Variants in ARHGAP22 observed in about 807,000 individuals in gnomAD.
ARHGAP22 encodes the protein rho GTPase-activating protein 22.
A neutral mutation model predicts 59.1 loss-of-function variants in ARHGAP22; 48 were observed. That is an observed-to-expected ratio of 0.81 (90% CI 0.64 to 1.03). The LOEUF (loss-of-function observed/expected upper bound fraction) is 1.03. Ranked by LOEUF, ARHGAP22 falls within the 50% of genes least tolerant of loss-of-function variation. The pLI is 0.00. For synonymous variants in ARHGAP22, 445 were observed against 416.4 expected (o/e 1.07, Z -0.84); for missense variants, 1,015 against 958.7 (o/e 1.06, Z -0.78).
At position 48,450,600 on chromosome 10, in the gene ARHGAP22, A is replaced by G. The variant is rs769747111; in HGVS notation, c.1529T>C (p.Met510Thr). 1.4e-5 allele frequency: 21 copies of G among 1,547,102 alleles called. No homozygotes were observed. Among genetic ancestry groups the G allele is most frequent in the Non-Finnish European group, 1.8e-5 (21 of 1,146,636 alleles). The change falls in exon 9 of 10, where the codon ATG becomes ACG. Residue 510 changes from methionine (M) to threonine (T), a missense_variant. Met to Thr is a moderately conservative substitution (Grantham distance 81, BLOSUM62 -1). Coordinates refer to ENST00000249601, the MANE Select transcript of ARHGAP22 (RefSeq NM_021226.4). The stretch of plus-strand genomic sequence containing the variant: ...GCTGGACGAGGCCCCGGACCACGCC[A>G]TACTGGCCACGCTGGGTATGCCGGG... Reference protein sequence around the residue: ...LVPGIPSVASMAWSGASSSES... With the variant: ...LVPGIPSVASTAWSGASSSES...
chr10:48,549,128 C>G (rs182377209), intron 3 of ARHGAP22, among the ~76,000 whole-genome samples: 172 of 152,336 alleles, frequency 1.1e-3, no homozygotes, highest in Middle Eastern at 3.4e-3. Flanking sequence ...CTCATACACA[C>G]CTTGGTCTAC....
intron 1 of ARHGAP22, among the ~76,000 whole-genome samples, chr10:48,647,116 G>A (rs1386180275): frequency 6.6e-6 from 1 of 152,166 alleles, no homozygotes; most frequent in Non-Finnish European, 1.5e-5. Context: ...CAAACAGGCT[G>A]GGCTTGGTGG....
At chr10:48,467,803 C>T (rs1469648122) in intron 4 of ARHGAP22, among the ~76,000 whole-genome samples, 1 of 152,138 alleles carries the variant, frequency 6.6e-6, no homozygotes, top group Non-Finnish European at 1.5e-5. Flanking sequence ...AAGGTGCTTA[C>T]TCTGGGAAAA....
chr10:48,648,998 G>A (rs1357937915), intron 1 of ARHGAP22, among the ~76,000 whole-genome samples: 1 of 152,178 alleles, frequency 6.6e-6, no homozygotes, highest in Non-Finnish European at 1.5e-5. Context: ...AAGAAGAAGA[G>A]CAATGGGGAG....
chr10:48,618,737 T>A (rs1049749441), intron 1 of ARHGAP22, among the ~76,000 whole-genome samples: 3 of 152,076 alleles, frequency 2.0e-5, no homozygotes, highest in Non-Finnish European at 2.9e-5. Flanking sequence ...ACAGCCTACA[T>A]CATATTGAAT....
At chr10:48,534,057 C>T (rs1590002143) in intron 3 of ARHGAP22, among the ~76,000 whole-genome samples, 1 of 152,240 alleles carries the variant, frequency 6.6e-6, no homozygotes, top group Admixed American at 6.5e-5. Flanking sequence ...CTCTGGCACA[C>T]TGGCAGTGCC....
intron 2 of ARHGAP22, among the ~76,000 whole-genome samples, chr10:48,580,143 A>G (rs866140056): frequency 1.3e-5 from 2 of 152,316 alleles, no homozygotes; most frequent in South Asian, 4.1e-4. Context: ...GGCCCCTCTC[A>G]TGATTCAACG....
rs1053239677 is a variant in ARHGAP22 at position 48,450,563 on chromosome 10, C to A, written c.1566G>T (p.Val522=). 48 of 1,529,454 alleles carry A rather than the reference C, an allele frequency of 3.1e-5. No homozygotes were observed. The highest frequency in any genetic ancestry group is 4.2e-5 in the Non-Finnish European group (48 of 1,139,410). The allele number at this position is 1,529,454 out of a possible 1,614,324, so 94.7% of individuals were successfully genotyped here. A position where few individuals can be genotyped will look rare whatever the true frequency, so the allele number is the denominator to read the frequency against. Reference sequence around the variant, plus strand: ...CCGTGCAGCTGCTGAGTGAGCCCCCCACCGACGACTCGCTGGACGAGGCCC... The same window carrying A: ...CCGTGCAGCTGCTGAGTGAGCCCCCAACCGACGACTCGCTGGACGAGGCCC... ...WSGASSSESS[V]GGSLSSCTAC... Residue 522 remains valine, a synonymous_variant, in exon 9 of 10, where the codon GTG becomes GTT. Coordinates refer to ENST00000249601, the MANE Select transcript of ARHGAP22 (RefSeq NM_021226.4).
intron 3 of ARHGAP22, among the ~76,000 whole-genome samples, chr10:48,499,291 G>A (rs571272024): frequency 2.6e-5 from 4 of 152,326 alleles, no homozygotes; most frequent in African/African-American, 7.2e-5. Context: ...GCCACAGGCC[G>A]CCCACATAGC....
intron 3 of ARHGAP22, among the ~76,000 whole-genome samples, chr10:48,495,203 T>C (rs1361568207): frequency 2.0e-5 from 3 of 152,162 alleles, no homozygotes; most frequent in Non-Finnish European, 2.9e-5. Context: ...GTTCAGTGAA[T>C]GGCAGCAGTC....
chr10:48,588,029 G>A (rs760245320), intron 1 of ARHGAP22, among the ~76,000 whole-genome samples: 15 of 152,250 alleles, frequency 9.9e-5, no homozygotes, highest in South Asian at 2.1e-4. Flanking sequence ...GCAGGATCTT[G>A]CACAATCAAT....
At chr10:48,562,949 C>T (rs1052840263) in intron 2 of ARHGAP22, among the ~76,000 whole-genome samples, 8 of 152,218 alleles carry the variant, frequency 5.3e-5, no homozygotes, top group African/African-American at 1.7e-4. Context: ...CAGAATTCTG[C>T]AATGGGCCTT....
At chr10:48,474,837 G>C (rs1017481455) in intron 4 of ARHGAP22, among the ~76,000 whole-genome samples, 1 of 151,940 alleles carries the variant, frequency 6.6e-6, no homozygotes, top group Non-Finnish European at 1.5e-5. Context: ...TAATTCTTTG[G>C]ATTCAGCATG....
chr10:48,639,308 G>A (rs759375655), intron 1 of ARHGAP22, among the ~76,000 whole-genome samples: 1 of 152,204 alleles, frequency 6.6e-6, no homozygotes, highest in Non-Finnish European at 1.5e-5. Context: ...ATATATTCCT[G>A]GCTTGGACTG....
intron 4 of ARHGAP22, among the ~76,000 whole-genome samples, chr10:48,473,940 C>T (rs1470579427): frequency 2.0e-5 from 3 of 152,230 alleles, no homozygotes; most frequent in African/African-American, 7.2e-5. Context: ...TCTCCCTTCT[C>T]TCTCCTCTCA....
intron 2 of ARHGAP22, chr10:48,575,102 C>T (rs2058626131): frequency 6.6e-6 from 1 of 152,192 alleles, no homozygotes; most frequent in South Asian, 2.1e-4. Context: ...CACCTCCCTG[C>T]TCTCTCTTTT....
At chr10:48,544,967 C>A (rs2056303224) in intron 3 of ARHGAP22, among the ~76,000 whole-genome samples, 1 of 152,066 alleles carries the variant, frequency 6.6e-6, no homozygotes, top group African/African-American at 2.4e-5. Context: ...TGGAAATGTG[C>A]TTTAAGTGTA....
intron 2 of ARHGAP22, among the ~76,000 whole-genome samples, chr10:48,580,480 C>T (rs940029451): frequency 2.0e-5 from 3 of 152,138 alleles, no homozygotes; most frequent in South Asian, 2.1e-4. Flanking sequence ...CATGAGCACC[C>T]GGGCTCTCCC....
the ARHGAP22 span, chr10:48,431,250 G>T: frequency 1.2e-6 from 2 of 1,611,078 alleles, no homozygotes; most frequent in Non-Finnish European, 1.7e-6. Flanking sequence ...GGAGTTATAC[G>T]GGGGCAGCCC....
Sources: allele counts gnomAD v4.1 joint callset (sites outside exome capture counted in the v4.1 genomes callset), GRCh38; gene constraint gnomAD v4.1.1; transcripts MANE v1.5; gene names NCBI Gene and HGNC (gene_info 2026-07-23, HGNC 2026-07-21).